The following SORBS2 variants were observed in gnomAD, a reference collection of about 807,000 sequenced individuals.
The protein encoded by SORBS2 is sorbin and SH3 domain-containing protein 2.
Under a neutral mutation model 97.7 loss-of-function variants are expected in SORBS2, and 46 were observed. The observed-to-expected ratio is 0.47, with a 90% CI of 0.37 to 0.60. The LOEUF is 0.60. Ranked by LOEUF, SORBS2 falls within the 20% of genes least tolerant of loss-of-function variation. The pLI is 0.00. For synonymous variants in SORBS2, 476 were observed against 473.4 expected, an observed-to-expected ratio of 1.01 and a Z score of -0.07; for missense variants, 1,316 against 1,282.3, an observed-to-expected ratio of 1.03 and a Z score of -0.40.
chr4:185,630,586 G>A lies in SORBS2; in HGVS notation c.409C>T (p.Gln137Ter). The A allele has an allele frequency of 6.3e-7, 1 of 1,598,372 alleles. No homozygotes were observed. ...TCCAGGCTTCTGTCTATAGAGGACTGATACAAGGAGGCCTGTTAAGATAGG... is the reference window on the plus strand; with the variant it reads ...TCCAGGCTTCTGTCTATAGAGGACTAATACAAGGAGGCCTGTTAAGATAGG... The change falls in exon 5 of 15, where the codon CAG becomes TAG. Residue 137 changes from glutamine to a stop codon, truncating the protein, a stop_gained. Coordinates refer to ENST00000418609, the Ensembl canonical transcript of SORBS2. LOFTEE classifies it high-confidence loss of function.
exon 6 of SORBS2, chr4:185,626,911 T>C (rs1395524767): frequency 1.9e-6 from 3 of 1,614,232 alleles, no homozygotes; most frequent in Non-Finnish European, 2.5e-6. Context: ...GGAGGTCCAC[T>C]CGGCCTGGGC....
chr4:185,834,362 C>G (rs960361665), intron 1 of SORBS2, among the ~76,000 whole-genome samples: 4 of 152,062 alleles, frequency 2.6e-5, no homozygotes, highest in Non-Finnish European at 5.9e-5. Flanking sequence ...AGATCCAAAC[C>G]ATATGAACAC....
exon 1 of SORBS2, chr4:185,656,827 C>T: frequency 7.2e-7 from 1 of 1,385,854 alleles, no homozygotes; most frequent in Non-Finnish European, 9.3e-7. Context: ...AATCCAAACA[C>T]TTTCACTTAT....
intron 1 of SORBS2, among the ~76,000 whole-genome samples, chr4:185,954,176 C>A (rs1473151149): frequency 6.6e-6 from 1 of 152,132 alleles, no homozygotes; most frequent in African/African-American, 2.4e-5. Flanking sequence ...CAAAATAATA[C>A]CCCCTCTATA....
chr4:185,726,255 C>T (rs2153565830), intron 2 of SORBS2, among the ~76,000 whole-genome samples: 1 of 152,212 alleles, frequency 6.6e-6, no homozygotes, highest in African/African-American at 2.4e-5. Flanking sequence ...CCACATAAAT[C>T]CCTCTCACTC....
chr4:185,734,915 A>G (rs2098673146), intron 2 of SORBS2, among the ~76,000 whole-genome samples: 1 of 152,178 alleles, frequency 6.6e-6, no homozygotes, highest in Non-Finnish European at 1.5e-5. Context: ...TTTGGCAACA[A>G]TCTTCTGTTG....
At chr4:185,796,955 G>A (rs922323357) in intron 1 of SORBS2, among the ~76,000 whole-genome samples, 1 of 151,232 alleles carries the variant, frequency 6.6e-6, no homozygotes, top group Admixed American at 6.6e-5. Context: ...GGGCATGCCT[G>A]GGCTCTGTGG....
chr4:185,872,881 G>T (rs1414620440), intron 1 of SORBS2, among the ~76,000 whole-genome samples: 1 of 152,162 alleles, frequency 6.6e-6, no homozygotes, highest in African/African-American at 2.4e-5. Flanking sequence ...TGCTGTGACT[G>T]ATCTCACCTT....
chr4:185,917,306 A>T (rs2099258708), intron 1 of SORBS2, among the ~76,000 whole-genome samples: 1 of 152,160 alleles, frequency 6.6e-6, no homozygotes, highest in Non-Finnish European at 1.5e-5. Flanking sequence ...AGCTCACTGT[A>T]ACCTCCGCCT....
chr4:185,941,165 C>T (rs2099271807), intron 1 of SORBS2, among the ~76,000 whole-genome samples: 1 of 152,178 alleles, frequency 6.6e-6, no homozygotes, highest in Admixed American at 6.5e-5. Flanking sequence ...GTGCCGGACA[C>T]CATTCTAAAG....
At chr4:185,931,998 C>CTATA (rs1465960781) in intron 1 of SORBS2, among the ~76,000 whole-genome samples, 1 of 150,392 alleles carries the variant, frequency 6.6e-6, no homozygotes, top group Non-Finnish European at 1.5e-5. Flanking sequence ...CTCTCTCTCT[C>CTATA]TCTCTATATA....
intron 1 of SORBS2, among the ~76,000 whole-genome samples, chr4:185,945,746 A>G (rs1025009519): frequency 6.6e-6 from 1 of 152,236 alleles, no homozygotes; most frequent in African/African-American, 2.4e-5. Context: ...GAGGACAGAT[A>G]TCTGATCCAT....
chr4:185,770,060 A>T (rs1475539931), intron 2 of SORBS2, among the ~76,000 whole-genome samples: 4 of 149,848 alleles, frequency 2.7e-5, no homozygotes, highest in Non-Finnish European at 5.9e-5. Flanking sequence ...CTGAGAAATG[A>T]GAGGCATTCT....
chr4:185,751,806 A>AG (rs1214960859), intron 2 of SORBS2, among the ~76,000 whole-genome samples: 1 of 152,162 alleles, frequency 6.6e-6, no homozygotes, highest in African/African-American at 2.4e-5. Context: ...TGCACTGGAG[A>AG]GGGGTTTTTG....
At position 185,928,767 on chromosome 4, in the gene SORBS2, T is replaced by C. The variant is rs565768200; in HGVS notation, c.-338+27429A>G. ...TTCACCGTGTTAGCCAGGATGGTCT[T>C]GATCTCCTGACCTCGTGATCCGCCC... is the stretch of plus-strand genomic sequence containing the variant. On this transcript the variant is annotated intron_variant, in intron 1 of 20. Transcript: ENST00000284776. Among the ~76,000 whole-genome samples the C allele has an allele frequency of 1.2e-3, 186 of 152,236 alleles. 1 individual carries two copies. The highest frequency in any genetic ancestry group is 5.8e-3 in the South Asian group (28 of 4,820).
intron 4 of SORBS2, among the ~76,000 whole-genome samples, chr4:185,642,968 A>G (rs1418017480): frequency 1.3e-5 from 2 of 152,278 alleles, no homozygotes; most frequent in Non-Finnish European, 2.9e-5. Flanking sequence ...ACTGACTGCA[A>G]GGGTGAAACC....
chr4:185,605,031 T>A (rs2101307), intron 12 of SORBS2, among the ~76,000 whole-genome samples: 1 of 152,098 alleles, frequency 6.6e-6, no homozygotes, highest in South Asian at 2.1e-4. Flanking sequence ...TTGAAAGGAA[T>A]ATTAGTTACT....
chr4:185,745,254 G>C (rs750533660), intron 2 of SORBS2, among the ~76,000 whole-genome samples: 12 of 152,158 alleles, frequency 7.9e-5, no homozygotes, highest in East Asian at 5.8e-4. Flanking sequence ...GTCTCTATCC[G>C]AGAGTGCATG....
At chr4:185,745,051 A>G (rs915034881) in intron 2 of SORBS2, among the ~76,000 whole-genome samples, 2 of 152,224 alleles carry the variant, frequency 1.3e-5, no homozygotes, top group African/African-American at 4.8e-5. Context: ...GGGCCGGCTC[A>G]GGGATGGACA....
Sources: gnomAD v4.1 joint callset for allele counts (sites outside exome capture counted in the v4.1 genomes callset) on GRCh38, gnomAD v4.1.1 for gene constraint, MANE v1.5 for transcripts, NCBI Gene and HGNC (gene_info 2026-07-23, HGNC 2026-07-21) for gene names.